The following GPR157 variants were observed in gnomAD, a reference collection of about 807,000 sequenced individuals.
GPR157 encodes G protein-coupled receptor 157, also known as G-protein coupled receptor 157.
Under a neutral mutation model 23.5 loss-of-function variants are expected in GPR157, and 16 were observed. The ratio of observed to expected loss-of-function variants is 0.68; its 90% confidence interval spans 0.46 to 1.04. GPR157 has a LOEUF of 1.04. GPR157 is among the 50% of genes least tolerant of loss of function. The pLI is 0.00. For synonymous variants in GPR157, 200 were observed against 221.5 expected (o/e 0.90, Z 0.86); for missense variants, 440 against 460.7 (o/e 0.96, Z 0.41).
intron 2 of GPR157, 130 bp downstream of exon 2, chr1:9,111,146 C>G: frequency 1.3e-6 from 1 of 790,852 alleles, no homozygotes; most frequent in African/African-American, 1.7e-5. Context: ...GCCTGGTCCC[C>G]TCTGGCCCAT....
At position 9,116,774 on chromosome 1, in the gene GPR157, C is replaced by T. The variant is rs150866006; in HGVS notation, c.384-5285G>A. ...TTATTATTTTAGAGACAGGGTCTTG[C>T]TCTGTTGCCCAGACTGGAGTGCAGT... On this transcript the variant is annotated intron_variant, in intron 1 of 3. Coordinates refer to ENST00000377411, the MANE Select transcript of GPR157 (RefSeq NM_024980.5). 1.1e-3 allele frequency among the ~76,000 whole-genome samples: 168 copies of T among 151,396 alleles called. 1 individual carries two copies. Among genetic ancestry groups the T allele is most frequent in the African/African-American group, 3.7e-3 (152 of 41,332 alleles).
Position 9,120,866 on chromosome 1 carries a change from G to A in GPR157, c.383+7779C>T, listed in dbSNP as rs1477348677. ...CCAGTCACCTCAGAAAACTTTTATGGGGAAATAAACGAAACCAGTTCAATG... is the reference window on the plus strand; with the variant it reads ...CCAGTCACCTCAGAAAACTTTTATGAGGAAATAAACGAAACCAGTTCAATG... On this transcript the variant is annotated intron_variant, in intron 1 of 3. Coordinates refer to ENST00000377411, the MANE Select transcript of GPR157 (RefSeq NM_024980.5). The surrounding 1 kb of genome is among the most constrained non-coding windows in gnomAD (Gnocchi z 4.1). 1.3e-5 allele frequency among the ~76,000 whole-genome samples: 2 copies of A among 152,166 alleles called. No homozygotes were observed. Among genetic ancestry groups the A allele is most frequent in the African/African-American group, 4.8e-5 (2 of 41,448 alleles).
intron 1 of GPR157, among the ~76,000 whole-genome samples, chr1:9,116,154 A>ATATTATATAATTATATATAT (rs1638630253): frequency 2.5e-5 from 1 of 40,756 alleles, no homozygotes; most frequent in African/African-American, 1.0e-4. Flanking sequence ...ATTATATTAT[A>ATATTATATAATTATATATAT]TATATATATA....
chr1:9,112,113 C>T (rs1041027861), intron 1 of GPR157, among the ~76,000 whole-genome samples: 4 of 152,326 alleles, frequency 2.6e-5, no homozygotes, highest in Non-Finnish European at 4.4e-5. Context: ...AGTGGTACTG[C>T]GTGAGGCCTG....
At chr1:9,114,018 GTTGTT>G (rs1638578879) in intron 1 of GPR157, among the ~76,000 whole-genome samples, 2 of 146,168 alleles carry the variant, frequency 1.4e-5, no homozygotes, top group Non-Finnish European at 3.0e-5. Flanking sequence ...AAAAGAAAGG[GTTGTT>G]TTAAAACTCA....
intron 1 of GPR157, among the ~76,000 whole-genome samples, chr1:9,123,482 TAA>T (rs1242345746): frequency 3.7e-5 from 3 of 81,758 alleles, no homozygotes; most frequent in Admixed American, 1.6e-4. Context: ...ATATATATTT[TAA>T]AAATATATAA....
chr1:9,128,999 A>G lies in GPR157; in HGVS notation c.29T>C (p.Leu10Pro). 7.6e-7 allele frequency: 1 copy of G among 1,319,360 alleles called. No homozygotes were observed. Among genetic ancestry groups the G allele is most frequent in the South Asian group, 2.1e-5 (1 of 47,746 alleles). 81.7% of individuals were successfully genotyped at this position (1,319,360 alleles called of 1,614,324 possible). A position where few individuals can be genotyped will look rare whatever the true frequency, so the allele number is the denominator to read the frequency against. The change falls in exon 1 of 4, where the codon CTG (leucine) becomes CCG (proline). Residue 10 changes from leucine (L) to proline (P), a missense_variant. Transcript: ENST00000377411. The surrounding 1 kb of genome is among the most constrained non-coding windows in gnomAD (Gnocchi z 6.3). ...CACCACGGCGCGCTCCGACGGCACC[A>G]GCTCGGTGGGCGGCGGGGACGGCTG... MQPSPPPTE[L>P]VPSERAVVLL...
rs1163581082 is a variant in GPR157, at chr1:9,104,085, GT to G, written c.*333del. ...ATGTGGGTCCCTCAGATTGTAAACA[GT>G]GCTGTGTGGTCCTCAGGACATCAAG... is the stretch of plus-strand genomic sequence containing the variant. On this transcript the variant is annotated 3_prime_UTR_variant, in exon 4 of 4. Transcript: ENST00000377411. 1 of 310,272 alleles carries G rather than the reference GT, an allele frequency of 3.2e-6. No individual in the cohort carries two copies. The highest frequency in any genetic ancestry group is 6.2e-6 in the Non-Finnish European group (1 of 161,166). 19.2% of individuals were successfully genotyped at this position (310,272 alleles called of 1,614,324 possible).
Position 9,120,287 on chromosome 1 carries a change from C to A in GPR157, c.383+8358G>T, listed in dbSNP as rs1269693350. On this transcript the variant is annotated intron_variant, in intron 1 of 3. Coordinates refer to ENST00000377411, the MANE Select transcript of GPR157 (RefSeq NM_024980.5). This position sits in a 1 kb window ranked among gnomAD's most constrained non-coding sequence, Gnocchi z 4.1. ...ACCTTTTCCCCACCCCAAACTTCATCCTTCCTACAGATCTCTGGGGGCTGG... is the reference window on the plus strand; with the variant it reads ...ACCTTTTCCCCACCCCAAACTTCATACTTCCTACAGATCTCTGGGGGCTGG... Among the ~76,000 whole-genome samples, 1 of 152,162 alleles carries A rather than the reference C, an allele frequency of 6.6e-6. No individual in the cohort carries two copies. Among genetic ancestry groups the A allele is most frequent in the African/African-American group, 2.4e-5 (1 of 41,438 alleles).
At chr1:9,112,406 T>C (rs974002945) in intron 1 of GPR157, among the ~76,000 whole-genome samples, 1 of 152,246 alleles carries the variant, frequency 6.6e-6, no homozygotes, top group Non-Finnish European at 1.5e-5. Context: ...ACGGGGACCT[T>C]TGAAAACATA....
intron 1 of GPR157, among the ~76,000 whole-genome samples, chr1:9,116,698 C>G (rs1487454036): frequency 6.7e-6 from 1 of 148,226 alleles, no homozygotes; most frequent in Non-Finnish European, 1.5e-5. Flanking sequence ...GAGCCAAGAT[C>G]GTGCCACTGC....
At chr1:9,106,950 A>G (rs929803688) in intron 2 of GPR157, among the ~76,000 whole-genome samples, 2 of 152,158 alleles carry the variant, frequency 1.3e-5, no homozygotes, top group Non-Finnish European at 2.9e-5. Flanking sequence ...GGCAACAGCA[A>G]AACTCCAGCT....
At position 9,104,088 on chromosome 1, in the gene GPR157, C is replaced by G; in HGVS notation, c.*331G>C. 1 of 315,754 alleles carries G rather than the reference C, an allele frequency of 3.2e-6. No homozygotes were observed. The highest frequency in any genetic ancestry group is 6.1e-6 in the Non-Finnish European group (1 of 164,246). The allele number at this position is 315,754 out of a possible 1,614,324, so 19.6% of individuals were successfully genotyped here. ...TGGGTCCCTCAGATTGTAAACAGTG[C>G]TGTGTGGTCCTCAGGACATCAAGGT... On this transcript the variant is annotated 3_prime_UTR_variant, in exon 4 of 4. Transcript: ENST00000377411.
intron 1 of GPR157, among the ~76,000 whole-genome samples, chr1:9,123,308 AATATATATTAAAAT>A (rs1369677307): frequency 0.04 from 2,104 of 52,482 alleles, 110 homozygotes; most frequent in African/African-American, 0.11. Context: ...ATTTAATTTA[AATATATATTAAAAT>A]ATATATATTT....
At position 9,100,518 on chromosome 1, in the gene GPR157, A is replaced by G. The variant is rs7555782; in HGVS notation, c.*3901T>C. ...AAATAATCATCTTTATTTAAAAACA[A>G]AACAGAACAAACAAACCAAAAAACC... On this transcript the variant is annotated 3_prime_UTR_variant, in exon 4 of 4. Transcript: ENST00000377411. 5,229 of 152,278 alleles carry G rather than the reference A, an allele frequency of 0.034. 139 individuals carry two copies. The highest frequency in any genetic ancestry group is 0.065 in the Middle Eastern group (19 of 294). 9.4% of individuals were successfully genotyped at this position (152,278 alleles called of 1,614,324 possible).
chr1:9,111,095 TG>T (rs1638479460), intron 2 of GPR157, 180 bp downstream of exon 2: 2 of 666,380 alleles, frequency 3.0e-6, no homozygotes, highest in Admixed American at 4.2e-5. Flanking sequence ...GCACGATCCG[TG>T]TAACACAGCG....
Position 9,101,642 on chromosome 1 carries a change from C to CAGAT in GPR157, c.*2773_*2776dup, listed in dbSNP as rs1642568442. ...AACTTTTTGGAGGTTTTTACAAAAG[C>CAGAT]AGATACAGTGGCCAGTGGCATCAAA... On this transcript the variant is annotated 3_prime_UTR_variant, in exon 4 of 4. Coordinates refer to ENST00000377411, the MANE Select transcript of GPR157 (RefSeq NM_024980.5). 6.6e-6 allele frequency: 1 copy of CAGAT among 152,182 alleles called. No homozygotes were observed. The highest frequency in any genetic ancestry group is 2.4e-5 in the African/African-American group (1 of 41,422). The allele number at this position is 152,182 out of a possible 1,614,324, so 9.4% of individuals were successfully genotyped here. A position where few individuals can be genotyped will look rare whatever the true frequency, so the allele number is the denominator to read the frequency against.
chr1:9,122,329 G>C (rs1638816515), intron 1 of GPR157, among the ~76,000 whole-genome samples: 1 of 152,146 alleles, frequency 6.6e-6, no homozygotes, highest in Non-Finnish European at 1.5e-5. Flanking sequence ...TGAACATTGA[G>C]TATCTCACAC....
At chr1:9,114,299 A>G (rs557523375) in intron 1 of GPR157, among the ~76,000 whole-genome samples, 151 of 138,490 alleles carry the variant, frequency 1.1e-3, no homozygotes, top group African/African-American at 4.1e-3. Flanking sequence ...ACTGAACTCC[A>G]GCCTGGGTGA....
Sources: gnomAD v4.1 joint callset for allele counts (sites outside exome capture counted in the v4.1 genomes callset) on GRCh38, gnomAD v4.1.1 for gene constraint, Gnocchi (gnomAD v3.1) non-coding constraint, MANE v1.5 for transcripts, NCBI Gene and HGNC (gene_info 2026-07-23, HGNC 2026-07-21) for gene names.